RFC1: variants seen among roughly 807,000 people sequenced by gnomAD.
The protein encoded by RFC1 is A1 140 kDa subunit.
In RFC1, 37 loss-of-function variants were observed where a neutral mutation model predicts 137.4. That is an observed-to-expected ratio of 0.27 (90% CI 0.21 to 0.35). The LOEUF (loss-of-function observed/expected upper bound fraction) is 0.35, where lower values mean the gene tolerates loss of function less well. RFC1 is among the 10% of genes least tolerant of loss of function. The pLI is 1.00. For synonymous variants in RFC1, 429 were observed against 455.7 expected (o/e 0.94, Z 0.75); for missense variants, 1,205 against 1,358.5 (o/e 0.89, Z 1.78).
chr4:39,329,995 C>T (rs1400157393), intron 4 of RFC1, among the ~76,000 whole-genome samples: 2 of 152,040 alleles, frequency 1.3e-5, no homozygotes, highest in Non-Finnish European at 2.9e-5. Flanking sequence ...GATTGCACCA[C>T]TGCACTCCAG....
chr4:39,345,742 C>A (rs1740826758), intron 2 of RFC1, among the ~76,000 whole-genome samples: 1 of 151,978 alleles, frequency 6.6e-6, no homozygotes, highest in African/African-American at 2.4e-5. Context: ...TAGATTTGGG[C>A]TCAGTCGTTT....
chr4:39,317,387 AT>A (rs1184770961), intron 9 of RFC1, among the ~76,000 whole-genome samples: 2 of 152,130 alleles, frequency 1.3e-5, no homozygotes, highest in African/African-American at 2.4e-5. Flanking sequence ...GGGAAAATAC[AT>A]TTTTTCCCCA....
At chr4:39,339,230 G>A (rs1740499147) in intron 4 of RFC1, among the ~76,000 whole-genome samples, 1 of 152,150 alleles carries the variant, frequency 6.6e-6, no homozygotes, top group Non-Finnish European at 1.5e-5. Context: ...ACTTTCTGAG[G>A]TGGTGATTTC....
intron 10 of RFC1, among the ~76,000 whole-genome samples, chr4:39,316,202 C>T (rs1183840757): frequency 6.6e-6 from 1 of 152,212 alleles, no homozygotes; most frequent in Non-Finnish European, 1.5e-5. Context: ...TGCACTCCAG[C>T]CTGGGCAACA....
At chr4:39,343,084 G>A (rs1578157185) in intron 3 of RFC1, among the ~76,000 whole-genome samples, 1 of 151,930 alleles carries the variant, frequency 6.6e-6, no homozygotes, top group African/African-American at 2.4e-5. Context: ...GTGCAGTGGC[G>A]TGATCTCAGC....
At chr4:39,363,041 C>T (rs887269681) in intron 1 of RFC1, among the ~76,000 whole-genome samples, 3 of 152,184 alleles carry the variant, frequency 2.0e-5, no homozygotes, top group Non-Finnish European at 4.4e-5. Flanking sequence ...CAGTTCAGAC[C>T]ACAATTTATT....
rs762743102 is a variant in RFC1 at position 39,320,771 on chromosome 4, C to T, written c.809-102G>A. 5.0e-4 allele frequency: 560 copies of T among 1,115,594 alleles called. 2 individuals carry two copies. The highest frequency in any genetic ancestry group is 6.5e-4 in the Non-Finnish European group (535 of 817,576). The allele number at this position is 1,115,594 out of a possible 1,614,324, so 69.1% of individuals were successfully genotyped here. A position where few individuals can be genotyped will look rare whatever the true frequency, so the allele number is the denominator to read the frequency against. ...CTGAGTAATCTTAGCACAGAATATA[C>T]CCTGAAGGCCCAAAGTCCTAAAGTG... On this transcript the variant is annotated intron_variant, in intron 8 of 24. Coordinates refer to ENST00000349703, the MANE Select transcript of RFC1 (RefSeq NM_002913.5).
Position 39,351,365 on chromosome 4 carries a change from C to T in RFC1, c.115G>A (p.Gly39Arg). 2 of 1,525,464 alleles carry T rather than the reference C, an allele frequency of 1.3e-6. No homozygotes were observed. Among genetic ancestry groups the T allele is most frequent in the Non-Finnish European group, 1.8e-6 (2 of 1,140,298 alleles). 94.5% of individuals were successfully genotyped at this position (1,525,464 alleles called of 1,614,324 possible). ...AAACTAACCTTGATTTCCTTTATTCCTTTCTTTGCTTTTAAAGTTTCTTCA... is the reference window on the plus strand; with the variant it reads ...AAACTAACCTTGATTTCCTTTATTCTTTTCTTTGCTTTTAAAGTTTCTTCA... ...SDEETLKAKKGIKEIKVNSSR... is the reference protein window; with the variant it reads ...SDEETLKAKKRIKEIKVNSSR... Residue 39 changes from glycine (G) to arginine (R), a missense_variant, in exon 2 of 25, where the codon GGA becomes AGA. Gly to Arg is a moderately radical substitution (Grantham distance 125). Transcript: ENST00000349703.
At chr4:39,345,299 G>C (rs999596756) in intron 3 of RFC1, 102 bp downstream of exon 3, 2 of 936,174 alleles carry the variant, frequency 2.1e-6, no homozygotes, top group Non-Finnish European at 3.2e-6. Context: ...GCGATTACAG[G>C]CATGAGCCAC....
intron 1 of RFC1, among the ~76,000 whole-genome samples, chr4:39,352,100 C>A (rs1354034389): frequency 6.6e-6 from 1 of 151,936 alleles, no homozygotes; most frequent in African/African-American, 2.4e-5. Context: ...AGGCAAGTGG[C>A]AGTTACTTAT....
chr4:39,360,364 G>T (rs534683257), intron 1 of RFC1, among the ~76,000 whole-genome samples: 83 of 152,100 alleles, frequency 5.5e-4, no homozygotes, highest in African/African-American at 1.9e-3. Context: ...TTAGCCAGAC[G>T]TGGTGGCATA....
intron 1 of RFC1, among the ~76,000 whole-genome samples, chr4:39,363,383 G>C (rs1447933755): frequency 6.6e-6 from 1 of 152,146 alleles, no homozygotes; most frequent in Non-Finnish European, 1.5e-5. Flanking sequence ...AATGTTATCA[G>C]TTGGTTCCTT....
At chr4:39,331,984 G>A (rs367726992) in intron 4 of RFC1, among the ~76,000 whole-genome samples, 2 of 152,114 alleles carry the variant, frequency 1.3e-5, no homozygotes, top group Admixed American at 6.6e-5. Context: ...CGCTGTTCTC[G>A]TGATAGTGAA....
chr4:39,304,547 A>T (rs1176803454), intron 15 of RFC1, among the ~76,000 whole-genome samples: 3 of 152,198 alleles, frequency 2.0e-5, no homozygotes, highest in Non-Finnish European at 2.9e-5. Context: ...CTCTCTTTAC[A>T]GGATTCACCT....
intron 9 of RFC1, among the ~76,000 whole-genome samples, chr4:39,319,774 T>C (rs886560569): frequency 6.6e-6 from 1 of 152,118 alleles, no homozygotes; most frequent in African/African-American, 2.4e-5. Context: ...TGTACTGTTT[T>C]TTCTATCTAA....
At chr4:39,292,735 G>A (rs542999263) in intron 22 of RFC1, among the ~76,000 whole-genome samples, 4 of 151,600 alleles carry the variant, frequency 2.6e-5, no homozygotes, top group Non-Finnish European at 4.4e-5. Context: ...TCCACCTCCC[G>A]GGTTCAGGAG....
intron 2 of RFC1, among the ~76,000 whole-genome samples, chr4:39,346,603 T>C (rs1373175437): frequency 1.3e-5 from 2 of 152,206 alleles, no homozygotes; most frequent in Non-Finnish European, 2.9e-5. Flanking sequence ...GTGAAAAAAC[T>C]GATTGTAATC....
rs374712297 is a variant in RFC1, at chr4:39,294,308, G to T, written c.2954+1306C>A. On this transcript the variant is annotated intron_variant, in intron 22 of 24. Transcript: ENST00000349703. The stretch of plus-strand genomic sequence containing the variant: ...AACCAAAACTTAAAAGTGGAATGGG[G>T]GATCAAATATTAATATTCCTTCCAG... Among the ~76,000 whole-genome samples, 12 of 152,274 alleles carry T rather than the reference G, an allele frequency of 7.9e-5. No individual in the cohort carries two copies. The East Asian group carries it at 1.9e-3, about 24-fold the overall frequency.
intron 4 of RFC1, among the ~76,000 whole-genome samples, chr4:39,337,435 AGTGTGTGTGTGTGTGTGTGTGT>A (rs71921435): frequency 5.6e-5 from 8 of 143,602 alleles, no homozygotes; most frequent in South Asian, 2.3e-4. Context: ...TACTCAAATA[AGTGTGTGTGTGTGTGTGTGTGT>A]GTGTGTGTGT....
Sources: allele counts gnomAD v4.1 joint callset (sites outside exome capture counted in the v4.1 genomes callset), GRCh38; gene constraint gnomAD v4.1.1; transcripts MANE v1.5; gene names NCBI Gene and HGNC (gene_info 2026-07-23, HGNC 2026-07-21).